The following CTBP2 variants were observed in gnomAD, a reference collection of about 807,000 sequenced individuals.
CTBP2 encodes the protein C-terminal binding protein 2.
In CTBP2, 30 loss-of-function variants were observed where a neutral mutation model predicts 80.3. The ratio of observed to expected loss-of-function variants is 0.37; its 90% confidence interval spans 0.28 to 0.51. CTBP2 has a LOEUF of 0.51. Among genes scored for constraint, CTBP2 ranks in the 20% least tolerant of loss-of-function variants. The pLI is 0.93. For missense variants in CTBP2, 1,212 were observed against 1,375.3 expected, an observed-to-expected ratio of 0.88 and a Z score of 1.88; for synonymous variants, 594 against 587.4, an observed-to-expected ratio of 1.01 and a Z score of -0.16.
At chr10:125,043,498 G>A (rs1371545959) in intron 2 of CTBP2, among the ~76,000 whole-genome samples, 2 of 151,970 alleles carry the variant, frequency 1.3e-5, no homozygotes, top group African/African-American at 4.8e-5. Context: ...GTGCAGGGGC[G>A]CAATCTGGGC....
intron 2 of CTBP2, among the ~76,000 whole-genome samples, chr10:125,072,489 G>A (rs1022902546): frequency 2.0e-5 from 3 of 151,868 alleles, no homozygotes; most frequent in Non-Finnish European, 2.9e-5. Context: ...GATGGCAGGC[G>A]CCTGTAATCC....
chr10:125,101,368 A>G (rs915961217), intron 2 of CTBP2, among the ~76,000 whole-genome samples: 1 of 152,252 alleles, frequency 6.6e-6, no homozygotes, highest in Non-Finnish European at 1.5e-5. Flanking sequence ...TTAAAGGAGT[A>G]GAGACATGTT....
At chr10:125,093,038 C>A (rs188701786) in intron 2 of CTBP2, among the ~76,000 whole-genome samples, 1 of 152,264 alleles carries the variant, frequency 6.6e-6, no homozygotes. Context: ...CAGTGCCCAG[C>A]GACTCCAGAC....
At chr10:124,990,118 C>T (rs1952405264) in intron 8 of CTBP2, among the ~76,000 whole-genome samples, 1 of 151,648 alleles carries the variant, frequency 6.6e-6, no homozygotes, top group Non-Finnish European at 1.5e-5. Context: ...AATCTCAGCC[C>T]ACTGCAACCT....
chr10:125,108,950 T>C (rs769277), intron 2 of CTBP2, among the ~76,000 whole-genome samples: 34,545 of 152,260 alleles, frequency 0.23, 4,792 homozygotes, highest in African/African-American at 0.38. Context: ...TGAGTCTGCT[T>C]AGCACTCAGG....
chr10:125,056,036 G>A (rs1358995305), intron 2 of CTBP2, among the ~76,000 whole-genome samples: 5 of 152,036 alleles, frequency 3.3e-5, no homozygotes, highest in South Asian at 2.1e-4. Context: ...GTGGTGGCAC[G>A]TGCCTGTAGT....
chr10:125,063,468 C>T (rs969594190), intron 2 of CTBP2, among the ~76,000 whole-genome samples: 2 of 152,116 alleles, frequency 1.3e-5, no homozygotes, highest in East Asian at 1.9e-4. Flanking sequence ...CCAAACACGT[C>T]GACTCGTGCG....
chr10:125,057,840 C>T (rs796155024), intron 2 of CTBP2, among the ~76,000 whole-genome samples: 5 of 152,164 alleles, frequency 3.3e-5, no homozygotes, highest in East Asian at 3.9e-4. Context: ...CCCAGTGCTT[C>T]GGGCAACAGA....
At position 125,049,046 on chromosome 10, in the gene CTBP2, GACACACACACACACACAC is replaced by G. The variant is rs1178000125; in HGVS notation, c.-101-9909_-101-9892del. ...GCCTCAATTTGCCCGCCTGACCACA[GACACACACACACACACAC>G]ACACACACACACACACACACACACA... On this transcript the variant is annotated intron_variant, in intron 2 of 10. Transcript: ENST00000337195. 3.8e-3 allele frequency among the ~76,000 whole-genome samples: 340 copies of G among 89,732 alleles called. 1 individual carries two copies. Among genetic ancestry groups the G allele is most frequent in the African/African-American group, 0.013 (324 of 24,738 alleles). 58.9% of individuals were successfully genotyped at this position (89,732 alleles called of 152,430 possible).
At chr10:125,053,194 T>A (rs755388685) in intron 2 of CTBP2, among the ~76,000 whole-genome samples, 2 of 151,992 alleles carry the variant, frequency 1.3e-5, no homozygotes, top group Non-Finnish European at 1.5e-5. Flanking sequence ...GGTGCAGCAT[T>A]CTCCCAGGTT....
At chr10:125,050,634 A>G (rs760271293) in intron 2 of CTBP2, among the ~76,000 whole-genome samples, 1 of 152,102 alleles carries the variant, frequency 6.6e-6, no homozygotes, top group Non-Finnish European at 1.5e-5. Context: ...TGCGGCTCAC[A>G]AGAGTTCTTT....
upstream of CTBP2, among the ~76,000 whole-genome samples, chr10:125,031,716 C>T (rs1430406951): frequency 6.6e-6 from 1 of 152,174 alleles, no homozygotes; most frequent in Non-Finnish European, 1.5e-5. Context: ...ACTGCCCAGA[C>T]ATCGTTTCAG....
chr10:125,022,476 A>AG (rs779124790), intron 1 of CTBP2, among the ~76,000 whole-genome samples: 39 of 151,958 alleles, frequency 2.6e-4, no homozygotes, highest in Non-Finnish European at 2.6e-4. Flanking sequence ...GAAGAACAGC[A>AG]GGGGTACAGG....
chr10:125,027,581 G>T lies in CTBP2; in HGVS notation c.179C>A (p.Ala60Asp), dbSNP rs1957777761. The change falls in exon 1 of 9, where the codon GCT (alanine) becomes GAT (aspartate). Residue 60 changes from alanine to aspartate, a missense_variant. Physicochemically the swap from Ala to Asp is moderately radical, Grantham distance 126 (BLOSUM62 -2). This residue lies in a region of CTBP2 where 848 missense variants were observed against 782.3 expected (regional missense o/e 1.08). Transcript: ENST00000309035. ...GGGCTCGGCGGCCACGGGCAGGGCA[G>T]CGTCCTGTGGTCGGTGGTTTGGCTC... The T allele has an allele frequency of 6.2e-7, 1 of 1,614,024 alleles. No homozygotes were observed.
chr10:125,012,068 G>A (rs1012306106), intron 1 of CTBP2, among the ~76,000 whole-genome samples: 3 of 152,374 alleles, frequency 2.0e-5, no homozygotes, highest in Non-Finnish European at 2.9e-5. Flanking sequence ...TGAAAGATCC[G>A]TGAAGGGACA....
At chr10:125,097,006 CCAGTTTTCCCTCTCT>C (rs1849645385) in intron 2 of CTBP2, among the ~76,000 whole-genome samples, 1 of 152,130 alleles carries the variant, frequency 6.6e-6, no homozygotes, top group Non-Finnish European at 1.5e-5. Flanking sequence ...TTAAAGTAAA[CCAGTTTTCCCTCTCT>C]CAGTATATAA....
At chr10:125,083,088 G>A (rs1847423832) in intron 2 of CTBP2, among the ~76,000 whole-genome samples, 1 of 152,188 alleles carries the variant, frequency 6.6e-6, no homozygotes, top group Admixed American at 6.5e-5. Flanking sequence ...CAAGTACTGG[G>A]AGGGGATGGT....
chr10:125,005,781 C>G (rs1955161870), intron 1 of CTBP2: 1 of 1,612,770 alleles, frequency 6.2e-7, no homozygotes, highest in Non-Finnish European at 8.5e-7. Flanking sequence ...GCGCACAACC[C>G]TGTGGGGCCT....
At chr10:125,075,343 A>C (rs1345452113) in intron 2 of CTBP2, among the ~76,000 whole-genome samples, 5 of 152,194 alleles carry the variant, frequency 3.3e-5, no homozygotes, top group African/African-American at 1.2e-4. Context: ...TGATTAGGCC[A>C]TGAGGCTCTA....
Sources: allele counts gnomAD v4.1 joint callset (sites outside exome capture counted in the v4.1 genomes callset), GRCh38; gene constraint gnomAD v4.1.1; regional missense constraint gnomAD v4.1.1; transcripts MANE v1.5; gene names NCBI Gene and HGNC (gene_info 2026-07-23, HGNC 2026-07-21).